TMEM62: variants seen among roughly 807,000 people sequenced by gnomAD.
The protein encoded by TMEM62 is transmembrane protein 62.
Under a neutral mutation model 70.4 loss-of-function variants are expected in TMEM62, and 41 were observed. That is an observed-to-expected ratio of 0.58 (90% CI 0.45 to 0.76). The LOEUF is 0.76. TMEM62 is among the 30% of genes least tolerant of loss of function. The probability of loss-of-function intolerance (pLI) is 0.00; values close to 1 mark genes in which losing one functional copy is unlikely to be tolerated. For synonymous variants in TMEM62, 268 were observed against 291.0 expected (o/e 0.92, Z 0.80); for missense variants, 688 against 788.5 (o/e 0.87, Z 1.53).
Position 43,157,986 on chromosome 15 carries a change from C to T in TMEM62, c.1183-2695C>T, listed in dbSNP as rs138057748. Among the ~76,000 whole-genome samples the T allele has an allele frequency of 4.4e-3, 666 of 152,190 alleles. 3 individuals carry two copies. Among genetic ancestry groups the T allele is most frequent in the African/African-American group, 0.015 (630 of 41,522 alleles). On this transcript the variant is annotated intron_variant, in intron 9 of 13. Transcript: ENST00000260403. ...TTTACTGTACAGATTGCATCCCTTA[C>T]CTCCCCCCTCTTTTTTGTACCCTTA...
At chr15:43,140,521 C>T (rs1048035236) in intron 4 of TMEM62, among the ~76,000 whole-genome samples, 15 of 152,216 alleles carry the variant, frequency 9.9e-5, no homozygotes, top group African/African-American at 2.9e-4. Flanking sequence ...CCATCTCCAG[C>T]AGGATCTTCT....
chr15:43,148,015 T>C (rs2141638966), intron 5 of TMEM62, among the ~76,000 whole-genome samples: 1 of 152,350 alleles, frequency 6.6e-6, no homozygotes, highest in Admixed American at 6.5e-5. Context: ...TTTTAAATGT[T>C]TGAAGAGTTT....
intron 4 of TMEM62, among the ~76,000 whole-genome samples, chr15:43,145,442 T>C (rs1280593988): frequency 6.6e-6 from 1 of 152,060 alleles, no homozygotes; most frequent in Non-Finnish European, 1.5e-5. Flanking sequence ...CCTGACCTCG[T>C]GATCCGCCTA....
At chr15:43,156,691 A>T (rs1744058657) in intron 9 of TMEM62, among the ~76,000 whole-genome samples, 1 of 152,186 alleles carries the variant, frequency 6.6e-6, no homozygotes, top group Admixed American at 6.5e-5. Flanking sequence ...TCCTTAGTAA[A>T]AATGTAAAAT....
Position 43,185,076 on chromosome 15 carries a change from G to T in TMEM62, c.*490G>T. 1 of 254,712 alleles carries T rather than the reference G, an allele frequency of 3.9e-6. No homozygotes were observed. Among genetic ancestry groups the T allele is most frequent in the East Asian group, 1.1e-4 (1 of 9,000 alleles). 15.8% of individuals were successfully genotyped at this position (254,712 alleles called of 1,614,324 possible). On this transcript the variant is annotated 3_prime_UTR_variant, in exon 14 of 14. Transcript: ENST00000260403. Reference sequence around the variant, plus strand: ...AGGCCTGTTTTCCCACAGGATTGTGGGCTCTCTGCTTCCTTAGTCGGAAGT... The same window carrying T: ...AGGCCTGTTTTCCCACAGGATTGTGTGCTCTCTGCTTCCTTAGTCGGAAGT...
chr15:43,167,056 C>T (rs1012107400), intron 10 of TMEM62, among the ~76,000 whole-genome samples: 9 of 152,184 alleles, frequency 5.9e-5, no homozygotes, highest in African/African-American at 1.9e-4. Context: ...TTGGGTACAC[C>T]TCCCAGACGG....
rs368439824 is a variant in TMEM62, at chr15:43,151,907, T to C, written c.984T>C (p.His328=). Residue 328 remains histidine (H), a synonymous_variant, in exon 8 of 14, where the codon CAT becomes CAC. Coordinates refer to ENST00000260403, the MANE Select transcript of TMEM62 (RefSeq NM_024956.4). ...CACTCCTTTATAGTTGTGGTGAACA[T>C]GAACCACTAGAAAGACTTCTTCACT... The part of the protein sequence containing the change: ...PKSLLYSCGE[H]EPLERLLHST... 1.2e-5 allele frequency: 20 copies of C among 1,613,490 alleles called. No individual in the cohort carries two copies. Among genetic ancestry groups the C allele is most frequent in the Non-Finnish European group, 1.4e-5 (16 of 1,179,696 alleles).
chr15:43,138,907 C>T (rs1766176126), intron 4 of TMEM62, among the ~76,000 whole-genome samples: 1 of 152,090 alleles, frequency 6.6e-6, no homozygotes. Flanking sequence ...GCCTTTTTGT[C>T]TTTTTGTGAC....
At chr15:43,144,755 A>G (rs1442538550) in intron 4 of TMEM62, among the ~76,000 whole-genome samples, 3 of 152,168 alleles carry the variant, frequency 2.0e-5, no homozygotes, top group Non-Finnish European at 4.4e-5. Context: ...AAAATCTTTC[A>G]CTTCCTGTTA....
At chr15:43,137,648 C>T (rs758784040) in intron 3 of TMEM62, among the ~76,000 whole-genome samples, 1 of 152,242 alleles carries the variant, frequency 6.6e-6, no homozygotes, top group Non-Finnish European at 1.5e-5. Flanking sequence ...CAGATGTGCA[C>T]CGGGCTGTAC....
intron 3 of TMEM62, among the ~76,000 whole-genome samples, chr15:43,138,099 C>G (rs1372399615): frequency 1.3e-5 from 2 of 152,216 alleles, no homozygotes; most frequent in African/African-American, 4.8e-5. Flanking sequence ...GTCCATCCCA[C>G]CCACATCCTG....
chr15:43,133,743 G>A lies in TMEM62; in HGVS notation c.-60G>A, dbSNP rs987542269. ...CGGAAGTGCAGGCAAAGCGGCTCCC[G>A]GGAGCGCCGCGCGGTCCTGCGCGGG... On this transcript the variant is annotated 5_prime_UTR_variant, in exon 1 of 14. Coordinates refer to ENST00000260403, the MANE Select transcript of TMEM62 (RefSeq NM_024956.4). The A allele has an allele frequency of 2.5e-6, 3 of 1,218,782 alleles. No homozygotes were observed. The highest frequency in any genetic ancestry group is 1.6e-5 in the African/African-American group (1 of 62,852). The allele number at this position is 1,218,782 out of a possible 1,614,324, so 75.5% of individuals were successfully genotyped here.
In TMEM62 at chr15:43,172,500, T is replaced by C. The variant is rs946773093; in HGVS notation, c.1381+2823T>C. 2.6e-5 allele frequency among the ~76,000 whole-genome samples: 4 copies of C among 152,242 alleles called. No homozygotes were observed. In the East Asian group the frequency reaches 7.7e-4, roughly 29 times the overall value. ...AAACAGCTATCTTCATTAAATCAAC[T>C]ATATTAAATTAGTTTTACTTATCAA... is the stretch of plus-strand genomic sequence containing the variant. On this transcript the variant is annotated intron_variant, in intron 11 of 13. Transcript: ENST00000260403.
At chr15:43,154,454 A>G (rs2037793621) in intron 8 of TMEM62, among the ~76,000 whole-genome samples, 1 of 152,246 alleles carries the variant, frequency 6.6e-6, no homozygotes, top group South Asian at 2.1e-4. Flanking sequence ...GTAAAAGAAT[A>G]GTTCCGAATT....
intron 11 of TMEM62, among the ~76,000 whole-genome samples, chr15:43,170,323 T>A (rs775740085): frequency 3.3e-5 from 5 of 152,068 alleles, no homozygotes; most frequent in Admixed American, 6.6e-5. Flanking sequence ...TTCTTTGGGG[T>A]CCCCTTGGCC....
At chr15:43,146,889 C>T (rs1294366819) in intron 5 of TMEM62, among the ~76,000 whole-genome samples, 1 of 152,172 alleles carries the variant, frequency 6.6e-6, no homozygotes, top group African/African-American at 2.4e-5. Context: ...GTACTGAGTA[C>T]AGGATGCACT....
chr15:43,160,543 A>AAAC lies in TMEM62; in HGVS notation c.1183-114_1183-112dup, dbSNP rs199988098. 1,217 of 595,680 alleles carry AAAC rather than the reference A, an allele frequency of 2.0e-3. 4 individuals are homozygous for AAAC. Among genetic ancestry groups the AAAC allele is most frequent in the African/African-American group, 0.011 (582 of 52,518 alleles). The allele number at this position is 595,680 out of a possible 1,614,324, so 36.9% of individuals were successfully genotyped here. On this transcript the variant is annotated intron_variant, in intron 9 of 13. Transcript: ENST00000260403. ...CTGGACAACAGAGAGAAACCTTGAA[A>AAAC]AACAACAACAACAACAACAACAACA...
intron 12 of TMEM62, among the ~76,000 whole-genome samples, chr15:43,178,953 C>G (rs906762712): frequency 6.6e-6 from 1 of 152,122 alleles, no homozygotes; most frequent in African/African-American, 2.4e-5. Flanking sequence ...GTGTAGAAAC[C>G]TAATAGAAGC....
chr15:43,133,736 G>A lies in TMEM62; in HGVS notation c.-67G>A, dbSNP rs1407777029. 2.6e-6 allele frequency: 3 copies of A among 1,153,572 alleles called. No individual in the cohort carries two copies. Among genetic ancestry groups the A allele is most frequent in the Non-Finnish European group, 3.3e-6 (3 of 902,198 alleles). The allele number at this position is 1,153,572 out of a possible 1,614,324, so 71.5% of individuals were successfully genotyped here. On this transcript the variant is annotated 5_prime_UTR_variant, in exon 1 of 14. Transcript: ENST00000260403. Reference sequence around the variant, plus strand: ...TAGAGTCCGGAAGTGCAGGCAAAGCGGCTCCCGGGAGCGCCGCGCGGTCCT... The same window carrying A: ...TAGAGTCCGGAAGTGCAGGCAAAGCAGCTCCCGGGAGCGCCGCGCGGTCCT...
Sources: gnomAD v4.1 joint callset for allele counts (sites outside exome capture counted in the v4.1 genomes callset) on GRCh38, gnomAD v4.1.1 for gene constraint, MANE v1.5 for transcripts, NCBI Gene and HGNC (gene_info 2026-07-23, HGNC 2026-07-21) for gene names.